Variants in RAB35 observed in about 807,000 individuals in gnomAD.
RAB35 encodes the protein ras-related protein Rab-35.
Under a neutral mutation model 28.9 loss-of-function variants are expected in RAB35, and 4 were observed. The ratio of observed to expected loss-of-function variants is 0.14; its 90% CI spans 0.07 to 0.32. The LOEUF (loss-of-function observed/expected upper bound fraction) is 0.32. Ranked by LOEUF, RAB35 falls within the 10% of genes least tolerant of loss-of-function variation. The probability of loss-of-function intolerance (pLI) is 1.00; values close to 1 mark genes in which losing one functional copy is unlikely to be tolerated. For synonymous variants in RAB35, 99 were observed against 105.1 expected, an observed-to-expected ratio of 0.94 and a Z score of 0.35; for missense variants, 128 against 274.0, an observed-to-expected ratio of 0.47 and a Z score of 3.76.
chr12:120,099,176 C>T (rs1424578966), intron 3 of RAB35, 22 bp from the exon 4 acceptor site: 15 of 1,613,860 alleles, frequency 9.3e-6, no homozygotes, highest in Non-Finnish European at 1.2e-5. Flanking sequence ...GAGTGTGCGG[C>T]AGCATGTCAA....
At position 120,096,300 on chromosome 12, in the gene RAB35, A is replaced by G. The variant is rs1285225746; in HGVS notation, c.*945T>C. 1.5e-6 allele frequency: 1 copy of G among 654,028 alleles called. No homozygotes were observed. The highest frequency in any genetic ancestry group is 6.7e-5 in the East Asian group (1 of 14,832). The allele number at this position is 654,028 out of a possible 1,614,324, so 40.5% of individuals were successfully genotyped here. A position where few individuals can be genotyped will look rare whatever the true frequency, so the allele number is the denominator to read the frequency against. ...AAGCCATTCATTTTTTTCTAAAAAC[A>G]GTGGACACAAGTGGGGTGGCCTCAA... is the stretch of plus-strand genomic sequence containing the variant. On this transcript the variant is annotated 3_prime_UTR_variant, in exon 6 of 6. Transcript: ENST00000229340.
rs550074516 is a variant in RAB35 at position 120,098,406 on chromosome 12, C to T, written c.477+405G>A. 2.0e-5 allele frequency among the ~76,000 whole-genome samples: 3 copies of T among 152,378 alleles called. No homozygotes were observed. The South Asian group carries it at 6.2e-4, about 32-fold the overall frequency. On this transcript the variant is annotated intron_variant, in intron 5 of 5. Transcript: ENST00000229340. ...GGAGCCTGTGCCCGCTGCTGTGTGG[C>T]CCCTGTGCCCTGAAGCAGTGGGATC...
intron 1 of RAB35, among the ~76,000 whole-genome samples, chr12:120,113,749 TG>T (rs929093508): frequency 1.4e-5 from 2 of 138,290 alleles, no homozygotes; most frequent in Non-Finnish European, 3.1e-5. Context: ...ACCGGGGAGG[TG>T]GAGCCGGCAG....
Position 120,097,186 on chromosome 12 carries a change from C to A in RAB35, c.*59G>T, listed in dbSNP as rs776804167. ...CTGAGACTGTCCCCCGAGGAACCTC[C>A]GTGGGCCTCGGGCTGGGGGAGGGAC... On this transcript the variant is annotated 3_prime_UTR_variant, in exon 6 of 6. Coordinates refer to ENST00000229340, the MANE Select transcript of RAB35 (RefSeq NM_006861.7). 9 of 1,613,300 alleles carry A rather than the reference C, an allele frequency of 5.6e-6. No individual in the cohort carries two copies. The highest frequency in any genetic ancestry group is 6.8e-6 in the Non-Finnish European group (8 of 1,179,730).
chr12:120,116,448 C>T (rs1876341242), intron 1 of RAB35, 151 bp downstream of exon 1: 1 of 439,342 alleles, frequency 2.3e-6, no homozygotes, highest in South Asian at 9.5e-5. Context: ...GGTCCGGAGC[C>T]CCTCGGCGCA....
chr12:120,109,263 G>A (rs1456259201), intron 1 of RAB35, among the ~76,000 whole-genome samples: 1 of 152,180 alleles, frequency 6.6e-6, no homozygotes, highest in Non-Finnish European at 1.5e-5. Flanking sequence ...AGACCAGCCT[G>A]ACCAATATGG....
chr12:120,110,421 C>G (rs1792055168), intron 1 of RAB35, among the ~76,000 whole-genome samples: 1 of 151,506 alleles, frequency 6.6e-6, no homozygotes, highest in Admixed American at 6.6e-5. Flanking sequence ...CCAGCAAACT[C>G]TTTAAAAATT....
chr12:120,106,299 C>T lies in RAB35; in HGVS notation c.103+2118G>A, dbSNP rs1342585941. Among the ~76,000 whole-genome samples, 9 of 152,150 alleles carry T rather than the reference C, an allele frequency of 5.9e-5. No homozygotes were observed. In the East Asian group the frequency reaches 1.2e-3, roughly 20 times the overall value. On this transcript the variant is annotated intron_variant, in intron 2 of 5. Coordinates refer to ENST00000229340, the MANE Select transcript of RAB35 (RefSeq NM_006861.7). ...CTTAAACAGAAGGTTAACAGCCAGT[C>T]GCAACAAATAGCTGGTATTTATTGA...
At chr12:120,106,391 G>A (rs1875873701) in intron 2 of RAB35, among the ~76,000 whole-genome samples, 1 of 152,138 alleles carries the variant, frequency 6.6e-6, no homozygotes, top group South Asian at 2.1e-4. Context: ...ACCCCATGGG[G>A]AAAGGACCAT....
chr12:120,103,405 G>A lies in RAB35; in HGVS notation c.227+421C>T, dbSNP rs1486793725. Among the ~76,000 whole-genome samples, 1 of 152,226 alleles carries A rather than the reference G, an allele frequency of 6.6e-6. No individual in the cohort carries two copies. Among genetic ancestry groups the A allele is most frequent in the Non-Finnish European group, 1.5e-5 (1 of 68,034 alleles). ...GCATCAGTGCAGGTGACGGGAGCCT[G>A]CACAGGCCAACTCCAGCTGCCATAA... On this transcript the variant is annotated intron_variant, in intron 3 of 5. Coordinates refer to ENST00000229340, the MANE Select transcript of RAB35 (RefSeq NM_006861.7). This position sits in a 1 kb window ranked among gnomAD's most constrained non-coding sequence, Gnocchi z 6.1.
intron 5 of RAB35, among the ~76,000 whole-genome samples, chr12:120,097,953 A>G (rs1027875677): frequency 3.5e-5 from 5 of 141,982 alleles, no homozygotes; most frequent in East Asian, 2.1e-4. Context: ...GCGTGATCTC[A>G]GCTCACTGCA....
intron 3 of RAB35, 190 bp from the exon 4 acceptor site, chr12:120,099,344 C>T: frequency 1.4e-6 from 1 of 725,286 alleles, no homozygotes; most frequent in Non-Finnish European, 2.2e-6. Context: ...TGCGGCAGCA[C>T]TGACTCCCCC....
At chr12:120,104,166 C>T (rs1422035048) in intron 2 of RAB35, among the ~76,000 whole-genome samples, 1 of 152,082 alleles carries the variant, frequency 6.6e-6, no homozygotes, top group Non-Finnish European at 1.5e-5. Context: ...AGCAAACAAA[C>T]AAAGAGGACA....
intron 1 of RAB35, among the ~76,000 whole-genome samples, chr12:120,112,522 CCAGACTCAAG>C (rs1876160417): frequency 6.6e-6 from 1 of 151,952 alleles, no homozygotes; most frequent in South Asian, 2.1e-4. Context: ...TCTCAACCTC[CCAGACTCAAG>C]AGATCCTCCC....
At chr12:120,097,935 G>C in intron 5 of RAB35, among the ~76,000 whole-genome samples, 1 of 148,224 alleles carries the variant, frequency 6.7e-6, no homozygotes, top group East Asian at 2.0e-4. Context: ...CCAGGCTGGA[G>C]TGCAGTGGCG....
chr12:120,101,026 TC>T (rs1875637390), intron 3 of RAB35, among the ~76,000 whole-genome samples: 1 of 152,196 alleles, frequency 6.6e-6, no homozygotes, highest in African/African-American at 2.4e-5. Context: ...CCCCCGCGGC[TC>T]CCTGGGCGCC....
chr12:120,104,790 C>T lies in RAB35; in HGVS notation c.104-841G>A, dbSNP rs143651420. The stretch of plus-strand genomic sequence containing the variant: ...CTGGGACTACAGGCATGCGCCACCA[C>T]GCCCGGCTAATTTTTGTGTTTTTAG... On this transcript the variant is annotated intron_variant, in intron 2 of 5. Coordinates refer to ENST00000229340, the MANE Select transcript of RAB35 (RefSeq NM_006861.7). 8.5e-3 allele frequency among the ~76,000 whole-genome samples: 1,299 copies of T among 152,198 alleles called. 16 individuals are homozygous for T. Among genetic ancestry groups the T allele is most frequent in the African/African-American group, 0.03 (1,226 of 41,528 alleles).
Position 120,099,350 on chromosome 12 carries a change from C to T in RAB35, c.228-196G>A, listed in dbSNP as rs201485359. 4.3e-6 allele frequency: 3 copies of T among 690,202 alleles called. No homozygotes were observed. In the South Asian group the frequency reaches 5.7e-5, roughly 13 times the overall value. 42.8% of individuals were successfully genotyped at this position (690,202 alleles called of 1,614,324 possible). Reference sequence around the variant, plus strand: ...AGAGGCTACTGCGGCAGCACTGACTCCCCCTGCCCGCCCGGGGCACCAACA... The same window carrying T: ...AGAGGCTACTGCGGCAGCACTGACTTCCCCTGCCCGCCCGGGGCACCAACA... On this transcript the variant is annotated intron_variant, in intron 3 of 5. Coordinates refer to ENST00000229340, the MANE Select transcript of RAB35 (RefSeq NM_006861.7).
chr12:120,115,107 C>T (rs1333986415), intron 1 of RAB35, among the ~76,000 whole-genome samples: 1 of 152,164 alleles, frequency 6.6e-6, no homozygotes, highest in Non-Finnish European at 1.5e-5. Flanking sequence ...CTACCTCCTT[C>T]CCCAACCTCA....
Sources: gnomAD v4.1 joint callset for allele counts (sites outside exome capture counted in the v4.1 genomes callset) on GRCh38, gnomAD v4.1.1 for gene constraint, Gnocchi (gnomAD v3.1) non-coding constraint, MANE v1.5 for transcripts, NCBI Gene and HGNC (gene_info 2026-07-23, HGNC 2026-07-21) for gene names.